The following ZNF805 variants were observed in gnomAD, a reference collection of about 807,000 sequenced individuals.
The protein encoded by ZNF805 is CTC-444N24.8.
In ZNF805, 7 loss-of-function variants were observed where a neutral mutation model predicts 13.6. The ratio of observed to expected loss-of-function variants is 0.51; its 90% CI spans 0.29 to 0.97. The LOEUF (loss-of-function observed/expected upper bound fraction) is 0.97, where lower values mean the gene tolerates loss of function less well. ZNF805 is among the 50% of genes least tolerant of loss of function. ZNF805 has a pLI of 0.08. For missense variants in ZNF805, 604 were observed against 771.0 expected, an observed-to-expected ratio of 0.78 and a Z score of 2.57; for synonymous variants, 293 against 279.8, an observed-to-expected ratio of 1.05 and a Z score of -0.47.
Position 57,257,797 on chromosome 19 carries a change from C to T in ZNF805, c.*3094C>T, listed in dbSNP as rs1230623882. ...TCTCCGCTCACTGCAACCTCCGCCT[C>T]CTGGGTTCAAGTGATTCTCCTGCCT... On this transcript the variant is annotated 3_prime_UTR_variant, in exon 4 of 4. Coordinates refer to ENST00000414468, the MANE Select transcript of ZNF805 (RefSeq NM_001023563.4). Among the ~76,000 whole-genome samples the T allele has an allele frequency of 2.0e-5, 3 of 149,416 alleles. No individual in the cohort carries two copies. Among genetic ancestry groups the T allele is most frequent in the African/African-American group, 7.4e-5 (3 of 40,316 alleles).
rs938868866 is a variant in ZNF805 at position 57,255,867 on chromosome 19, A to T, written c.*1164A>T. Among the ~76,000 whole-genome samples, 1 of 152,048 alleles carries T rather than the reference A, an allele frequency of 6.6e-6. No individual in the cohort carries two copies. Among genetic ancestry groups the T allele is most frequent in the Admixed American group, 6.5e-5 (1 of 15,270 alleles). On this transcript the variant is annotated 3_prime_UTR_variant, in exon 4 of 4. Coordinates refer to ENST00000414468, the MANE Select transcript of ZNF805 (RefSeq NM_001023563.4). ...TGTACTAGGTAGGATTTCCAGTGTG[A>T]TGTTGAATACGAATAGTGACAAGTT...
intron 3 of ZNF805, among the ~76,000 whole-genome samples, chr19:57,249,585 A>G (rs4801451): frequency 0.23 from 34,902 of 151,976 alleles, 4,880 homozygotes; most frequent in African/African-American, 0.39. Context: ...GATACGTTAC[A>G]TTTCCTTCTG....
At chr19:57,245,760 CAG>C (rs1202394572) in intron 2 of ZNF805, among the ~76,000 whole-genome samples, 2 of 149,574 alleles carry the variant, frequency 1.3e-5, no homozygotes, top group Non-Finnish European at 3.0e-5. Flanking sequence ...GCCTGGGCGA[CAG>C]AGCGAGACTC....
chr19:57,244,856 G>T (rs1450954623), intron 2 of ZNF805, among the ~76,000 whole-genome samples: 1 of 152,130 alleles, frequency 6.6e-6, no homozygotes, highest in Admixed American at 6.5e-5. Context: ...GGCCTCTGTG[G>T]GGCGTGTTTG....
At chr19:57,247,370 C>T (rs55746820) in intron 2 of ZNF805, among the ~76,000 whole-genome samples, 38,989 of 152,110 alleles carry the variant, frequency 0.26, 6,179 homozygotes, top group Non-Finnish European at 0.35. Flanking sequence ...CTCTGGTGCT[C>T]GTGGTTTCCT....
rs1196337646 is a variant in ZNF805, at chr19:57,262,705, AAAG to A, written c.*8005_*8007del. The A allele has an allele frequency of 6.0e-6, 1 of 167,138 alleles. No homozygotes were observed. The highest frequency in any genetic ancestry group is 1.5e-5 in the Non-Finnish European group (1 of 68,122). 10.4% of individuals were successfully genotyped at this position (167,138 alleles called of 1,614,324 possible). ...CATTAAATGTGGATAATTTGAGATT[AAAG>A]AATATGTTGTTGCAGGCTTAGTCAC... On this transcript the variant is annotated 3_prime_UTR_variant, in exon 4 of 4. Transcript: ENST00000414468.
In ZNF805 at chr19:57,240,866, C is replaced by T. The variant is rs776312193; in HGVS notation, c.-26C>T. 9 of 1,547,736 alleles carry T rather than the reference C, an allele frequency of 5.8e-6. No homozygotes were observed. The highest frequency in any genetic ancestry group is 3.9e-5 in the Admixed American group (2 of 50,758). On this transcript the variant is annotated 5_prime_UTR_variant, in exon 1 of 4. Coordinates refer to ENST00000414468, the MANE Select transcript of ZNF805 (RefSeq NM_001023563.4). ...CCCGCCCTGCTCGCCGCAGCCCCCG[C>T]CCCGCTAGGGCCACAGGGTCCCGGT...
chr19:57,251,257 G>T (rs1033828811), intron 3 of ZNF805, among the ~76,000 whole-genome samples: 1 of 152,002 alleles, frequency 6.6e-6, no homozygotes, highest in African/African-American at 2.4e-5. Context: ...TTTTTGGAAG[G>T]TTCCATTGAT....
At chr19:57,242,784 C>A (rs377059043) in intron 1 of ZNF805, among the ~76,000 whole-genome samples, 2 of 152,248 alleles carry the variant, frequency 1.3e-5, no homozygotes, top group Middle Eastern at 6.8e-3. Context: ...GATTAAATAG[C>A]AAAAATATGT....
chr19:57,258,007 ATTTT>A lies in ZNF805; in HGVS notation c.*3323_*3326del, dbSNP rs56311072. ...ACTGGTATGAGCAACCACGCACAGC[ATTTT>A]TTTTTTTTTTTTTTTTTTGAGACGG... On this transcript the variant is annotated 3_prime_UTR_variant, in exon 4 of 4. Transcript: ENST00000414468. Among the ~76,000 whole-genome samples the A allele has an allele frequency of 0.28, 26,484 of 95,800 alleles. 3,096 individuals are homozygous for A. The highest frequency in any genetic ancestry group is 0.34 in the Middle Eastern group (51 of 148). The allele number at this position is 95,800 out of a possible 152,430, so 62.8% of individuals were successfully genotyped here. A position where few individuals can be genotyped will look rare whatever the true frequency, so the allele number is the denominator to read the frequency against.
Position 57,241,031 on chromosome 19 carries a change from T to C in ZNF805, c.30+110T>C, listed in dbSNP as rs979073977. 25 of 1,229,916 alleles carry C rather than the reference T, an allele frequency of 2.0e-5. No homozygotes were observed. In the African/African-American group the frequency reaches 3.8e-4, roughly 19 times the overall value. 76.2% of individuals were successfully genotyped at this position (1,229,916 alleles called of 1,614,324 possible). On this transcript the variant is annotated intron_variant, in intron 1 of 3. Transcript: ENST00000414468. ...GGATTCCTCTTTGTAGTTTTGTTTG[T>C]TTACGAAACGTGGAGCAGGCTCGTC...
rs190557094 is a variant in ZNF805, at chr19:57,261,712, A to G, written c.*7009A>G. On this transcript the variant is annotated 3_prime_UTR_variant, in exon 4 of 4. Coordinates refer to ENST00000414468, the MANE Select transcript of ZNF805 (RefSeq NM_001023563.4). ...TACGTACACAATTTTAGAAATCATA[A>G]TAAATGAATGCTGGAGTCCTCAAGA... 64 of 167,154 alleles carry G rather than the reference A, an allele frequency of 3.8e-4. No homozygotes were observed. The highest frequency in any genetic ancestry group is 1.5e-3 in the African/African-American group (63 of 41,552). The allele number at this position is 167,154 out of a possible 1,614,324, so 10.4% of individuals were successfully genotyped here. A position where few individuals can be genotyped will look rare whatever the true frequency, so the allele number is the denominator to read the frequency against.
At chr19:57,240,955 C>T (rs1300019228) in intron 1 of ZNF805, 34 bp downstream of exon 1, 1 of 1,554,936 alleles carries the variant, frequency 6.4e-7, no homozygotes, top group South Asian at 1.2e-5. Flanking sequence ...TGCTGCTTTT[C>T]TGCTAGTTCG....
rs892659347 is a variant in ZNF805 at position 57,261,427 on chromosome 19, A to G, written c.*6724A>G. On this transcript the variant is annotated 3_prime_UTR_variant, in exon 4 of 4. Transcript: ENST00000414468. ...TCAGTGTATCCCCCTAATTTCTGTC[A>G]TGTTACTCAAACCAGACACATTGTG... is the stretch of plus-strand genomic sequence containing the variant. 6.0e-6 allele frequency: 1 copy of G among 167,028 alleles called. No homozygotes were observed. The highest frequency in any genetic ancestry group is 2.4e-5 in the African/African-American group (1 of 41,430). The allele number at this position is 167,028 out of a possible 1,614,324, so 10.3% of individuals were successfully genotyped here. A position where few individuals can be genotyped will look rare whatever the true frequency, so the allele number is the denominator to read the frequency against.
At chr19:57,242,556 T>G (rs2087586026) in intron 1 of ZNF805, among the ~76,000 whole-genome samples, 2 of 152,208 alleles carry the variant, frequency 1.3e-5, no homozygotes, top group Admixed American at 6.5e-5. Flanking sequence ...TTCAGCCACT[T>G]GAGTTTTCTG....
intron 2 of ZNF805, among the ~76,000 whole-genome samples, chr19:57,246,373 A>G (rs1486426053): frequency 6.6e-6 from 1 of 151,936 alleles, no homozygotes; most frequent in African/African-American, 2.4e-5. Flanking sequence ...TTATTGCTAC[A>G]TTTTCATGGT....
At position 57,259,668 on chromosome 19, in the gene ZNF805, G is replaced by A. The variant is rs553914848; in HGVS notation, c.*4965G>A. 4.6e-4 allele frequency among the ~76,000 whole-genome samples: 70 copies of A among 152,102 alleles called. 2 individuals are homozygous for A. The South Asian group carries it at 0.013, about 28-fold the overall frequency. On this transcript the variant is annotated 3_prime_UTR_variant, in exon 4 of 4. Coordinates refer to ENST00000414468, the MANE Select transcript of ZNF805 (RefSeq NM_001023563.4). ...ACTACAGGTGCCCGCCACCATGCCC[G>A]GCTAATTTTTTGTATTTTTAGTAGA...
rs2087685466 is a variant in ZNF805, at chr19:57,256,049, A to G, written c.*1346A>G. Among the ~76,000 whole-genome samples the G allele has an allele frequency of 6.6e-6, 1 of 151,948 alleles. No individual in the cohort carries two copies. Among genetic ancestry groups the G allele is most frequent in the South Asian group, 2.1e-4 (1 of 4,826 alleles). Reference sequence around the variant, plus strand: ...TTTGGTTATTATTAATAAGTGTTGAATTTTGTCATATGCTTTTTCTCCACC... The same window carrying G: ...TTTGGTTATTATTAATAAGTGTTGAGTTTTGTCATATGCTTTTTCTCCACC... On this transcript the variant is annotated 3_prime_UTR_variant, in exon 4 of 4. Coordinates refer to ENST00000414468, the MANE Select transcript of ZNF805 (RefSeq NM_001023563.4).
Position 57,253,318 on chromosome 19 carries a change from G to A in ZNF805, c.499G>A (p.Val167Met), listed in dbSNP as rs746835704. ...TGATGGTTTAGGGACAGCTGATAGT[G>A]TGTGTTCAAGGATTATACAGGATCG... ...KHDGLGTADS[V>M]CSRIIQDRVS... The change falls in exon 4 of 4, where the codon GTG becomes ATG. Residue 167 changes from valine (V) to methionine (M), a missense_variant. By Grantham distance (21) the Val-to-Met change is conservative (BLOSUM62 1). Coordinates refer to ENST00000414468, the MANE Select transcript of ZNF805 (RefSeq NM_001023563.4). This position sits in a 1 kb window ranked among gnomAD's most constrained non-coding sequence, Gnocchi z 4.4. The A allele has an allele frequency of 6.3e-7, 1 of 1,575,396 alleles. No individual in the cohort carries two copies. The highest frequency in any genetic ancestry group is 1.2e-5 in the South Asian group (1 of 86,146).
Sources: gnomAD v4.1 joint callset for allele counts (sites outside exome capture counted in the v4.1 genomes callset) on GRCh38, gnomAD v4.1.1 for gene constraint, Gnocchi (gnomAD v3.1) non-coding constraint, MANE v1.5 for transcripts, NCBI Gene and HGNC (gene_info 2026-07-23, HGNC 2026-07-21) for gene names.